Variants in DMRT1 observed in about 807,000 individuals in gnomAD.
The protein encoded by DMRT1 is doublesex- and mab-3-related transcription factor 1.
Under a neutral mutation model 32.3 loss-of-function variants are expected in DMRT1, and 7 were observed. The ratio of observed to expected loss-of-function variants is 0.22; its 90% CI spans 0.12 to 0.41. DMRT1 has a LOEUF of 0.41. DMRT1 is among the 10% of genes least tolerant of loss of function. The pLI is 1.00. For synonymous variants in DMRT1, 278 were observed against 206.1 expected, an observed-to-expected ratio of 1.35 and a Z score of -2.99; for missense variants, 625 against 500.5, an observed-to-expected ratio of 1.25 and a Z score of -2.37.
intron 2 of DMRT1, among the ~76,000 whole-genome samples, chr9:877,482 C>G (rs1450824158): frequency 2.6e-5 from 4 of 152,150 alleles, no homozygotes; most frequent in East Asian, 3.9e-4. Context: ...TGTTGAAAAG[C>G]AAGCTAAATG....
chr9:885,218 G>A (rs1467819287), intron 2 of DMRT1, among the ~76,000 whole-genome samples: 2 of 152,132 alleles, frequency 1.3e-5, no homozygotes, highest in East Asian at 3.9e-4. Context: ...GTGTTACAGG[G>A]TGCCTTTTAG....
At chr9:956,556 C>A (rs1247097662) in intron 4 of DMRT1, among the ~76,000 whole-genome samples, 1 of 146,326 alleles carries the variant, frequency 6.8e-6, no homozygotes, top group East Asian at 2.0e-4. Context: ...AGAGCAAGAC[C>A]CTGTCTCAAA....
rs537615594 is a variant in DMRT1, at chr9:901,375, A to G, written c.822+7180A>G. ...AGAGCCTCACTCTGTTGCCCAGGCT[A>G]GAGTGCAGTGGCGCGATCTCGGCTC... On this transcript the variant is annotated intron_variant, in intron 3 of 4. Coordinates refer to ENST00000382276, the MANE Select transcript of DMRT1 (RefSeq NM_021951.3). Among the ~76,000 whole-genome samples, 172 of 152,032 alleles carry G rather than the reference A, an allele frequency of 1.1e-3. 1 individual carries two copies. The highest frequency in any genetic ancestry group is 6.8e-3 in the Middle Eastern group (2 of 292).
chr9:938,411 G>C (rs1165082655), intron 4 of DMRT1, among the ~76,000 whole-genome samples: 1 of 151,996 alleles, frequency 6.6e-6, no homozygotes, highest in Non-Finnish European at 1.5e-5. Context: ...CATGAACACG[G>C]GATGATGTCT....
intron 4 of DMRT1, among the ~76,000 whole-genome samples, chr9:936,816 TCTTA>T (rs949776989): frequency 4.6e-5 from 7 of 152,202 alleles, no homozygotes; most frequent in African/African-American, 1.7e-4. Flanking sequence ...TTACATTTTT[TCTTA>T]CTGTGTTAAA....
chr9:848,906 A>T (rs10815853), intron 2 of DMRT1, among the ~76,000 whole-genome samples: 1 of 127,026 alleles, frequency 7.9e-6, no homozygotes, highest in South Asian at 2.7e-4. Flanking sequence ...TACGATCTTT[A>T]TGCTTTAAGA....
intron 2 of DMRT1, among the ~76,000 whole-genome samples, chr9:879,595 T>A (rs1816649287): frequency 6.6e-6 from 1 of 152,228 alleles, no homozygotes; most frequent in Admixed American, 6.5e-5. Flanking sequence ...TCACTATTCT[T>A]TGATACTAGA....
At chr9:947,919 A>G (rs1819300926) in intron 4 of DMRT1, among the ~76,000 whole-genome samples, 1 of 152,314 alleles carries the variant, frequency 6.6e-6, no homozygotes, top group Admixed American at 6.5e-5. Context: ...TTCTCCCAAC[A>G]GTGGGCCTGG....
chr9:932,915 T>G (rs1818772211), intron 4 of DMRT1, among the ~76,000 whole-genome samples: 2 of 151,792 alleles, frequency 1.3e-5, no homozygotes, highest in Admixed American at 1.3e-4. Flanking sequence ...ATTTCCAAGC[T>G]TTCTTTTTTT....
chr9:962,079 A>G (rs950876613), intron 4 of DMRT1, among the ~76,000 whole-genome samples: 1 of 152,202 alleles, frequency 6.6e-6, no homozygotes. Flanking sequence ...CCCCACGATG[A>G]TTAGGTGTTA....
intron 2 of DMRT1, among the ~76,000 whole-genome samples, chr9:853,815 A>C (rs1284578245): frequency 6.9e-6 from 1 of 144,948 alleles, no homozygotes; most frequent in African/African-American, 2.6e-5. Flanking sequence ...ATTTATTTAG[A>C]GACAGGGTCT....
intron 3 of DMRT1, among the ~76,000 whole-genome samples, chr9:903,227 C>A (rs1338758498): frequency 6.6e-6 from 1 of 152,140 alleles, no homozygotes; most frequent in African/African-American, 2.4e-5. Context: ...CTTTCTTTCT[C>A]TAGCTGGCCC....
intron 4 of DMRT1, among the ~76,000 whole-genome samples, chr9:936,174 A>G (rs184304131): frequency 2.0e-5 from 3 of 152,278 alleles, no homozygotes; most frequent in Middle Eastern, 3.4e-3. Context: ...CCACTTCTTT[A>G]TGAAGGATGT....
At chr9:858,077 C>T (rs1815479787) in intron 2 of DMRT1, among the ~76,000 whole-genome samples, 1 of 152,034 alleles carries the variant, frequency 6.6e-6, no homozygotes, top group Non-Finnish European at 1.5e-5. Context: ...AATAGTGCCG[C>T]TATAAACATA....
intron 4 of DMRT1, among the ~76,000 whole-genome samples, chr9:952,402 G>A (rs1172330315): frequency 6.6e-6 from 1 of 152,178 alleles, no homozygotes; most frequent in Non-Finnish European, 1.5e-5. Context: ...GATAAAACAT[G>A]TTCTAAAATT....
intron 1 of DMRT1, among the ~76,000 whole-genome samples, chr9:845,984 C>T (rs1838886656): frequency 6.6e-6 from 1 of 150,616 alleles, no homozygotes; most frequent in Admixed American, 6.6e-5. Context: ...TGGTGTTGGT[C>T]TCAGTTTGCC....
chr9:868,461 T>C (rs1476630369), intron 2 of DMRT1, among the ~76,000 whole-genome samples: 1 of 152,176 alleles, frequency 6.6e-6, no homozygotes, highest in African/African-American at 2.4e-5. Context: ...TGAAGAGCTG[T>C]GTGTCTGGGT....
Position 968,124 on chromosome 9 carries a change from C to G in DMRT1, c.1107C>G (p.Ile369Met). Residue 369 changes from isoleucine (I) to methionine (M), a missense_variant, in exon 5 of 5, where the codon ATC (isoleucine) becomes ATG (methionine). Around this residue, in one of 3 missense-constraint regions of DMRT1, gnomAD observed 416 missense variants for 321.6 expected, o/e 1.29. Transcript: ENST00000382276. Reference sequence around the variant, plus strand: ...GCAGCTTCACAGTCACTCCCGTCATCGAGGAGGACGAGTGAGCAGTGCCTG... The same window carrying G: ...GCAGCTTCACAGTCACTCCCGTCATGGAGGAGGACGAGTGAGCAGTGCCTG... Reference protein sequence around the residue: ...EPSSFTVTPVIEEDE With the variant: ...EPSSFTVTPVMEEDE 1 of 1,611,776 alleles carries G rather than the reference C, an allele frequency of 6.2e-7. No individual in the cohort carries two copies. Among genetic ancestry groups the G allele is most frequent in the South Asian group, 1.1e-5 (1 of 91,006 alleles).
chr9:928,488 T>G (rs1159670692), intron 4 of DMRT1, among the ~76,000 whole-genome samples: 1 of 152,190 alleles, frequency 6.6e-6, no homozygotes, highest in Non-Finnish European at 1.5e-5. Context: ...TTGCAGTGTC[T>G]TCTTACTAGA....
Sources: gnomAD v4.1 joint callset for allele counts (sites outside exome capture counted in the v4.1 genomes callset) on GRCh38, gnomAD v4.1.1 for gene constraint, gnomAD v4.1.1 regional missense constraint, MANE v1.5 for transcripts, NCBI Gene and HGNC (gene_info 2026-07-23, HGNC 2026-07-21) for gene names.